The following BCAS1 variants were observed in gnomAD, a reference collection of about 807,000 sequenced individuals.
The protein encoded by BCAS1 is brain enriched myelin associated protein 1.
In BCAS1, 46 loss-of-function variants were observed where a neutral mutation model predicts 65.4. The observed-to-expected ratio is 0.70, with a 90% CI of 0.55 to 0.90. The LOEUF (loss-of-function observed/expected upper bound fraction) is 0.90, where lower values mean the gene tolerates loss of function less well. Among genes scored for constraint, BCAS1 ranks in the 40% least tolerant of loss-of-function variants. The probability of loss-of-function intolerance (pLI) is 0.00; values close to 1 mark genes in which losing one functional copy is unlikely to be tolerated. For synonymous variants in BCAS1, 298 were observed against 293.5 expected, an observed-to-expected ratio of 1.02 and a Z score of -0.16; for missense variants, 793 against 771.2, an observed-to-expected ratio of 1.03 and a Z score of -0.33.
intron 12 of BCAS1, among the ~76,000 whole-genome samples, chr20:53,949,806 A>G (rs1600683570): frequency 6.6e-6 from 1 of 152,150 alleles, no homozygotes; most frequent in Non-Finnish European, 1.5e-5. Flanking sequence ...GGTGTGGCAG[A>G]AGCAGTCCCA....
intron 1 of BCAS1, among the ~76,000 whole-genome samples, chr20:54,060,345 C>T (rs1264962741): frequency 6.6e-6 from 1 of 152,204 alleles, no homozygotes; most frequent in Non-Finnish European, 1.5e-5. Context: ...CGGAGTCTCT[C>T]TCTGTTGCCC....
At chr20:53,953,208 T>TA (rs2089584162) in intron 12 of BCAS1, among the ~76,000 whole-genome samples, 1 of 152,164 alleles carries the variant, frequency 6.6e-6, no homozygotes, top group Admixed American at 6.5e-5. Flanking sequence ...TATGAACAGA[T>TA]AAAAAATCTG....
In BCAS1 at chr20:54,064,976, G is replaced by A. The variant is rs142949954; in HGVS notation, c.-6+5457C>T. ...GCATGTCCTGATACATCGTGGTACC[G>A]TGCGAAGGGGTAAATGTGATGGGAA... On this transcript the variant is annotated intron_variant, in intron 1 of 12. Coordinates refer to ENST00000688948, the MANE Select transcript of BCAS1 (RefSeq NM_001366298.2). Among the ~76,000 whole-genome samples, 5 of 152,268 alleles carry A rather than the reference G, an allele frequency of 3.3e-5. No individual in the cohort carries two copies. The East Asian group carries it at 5.8e-4, about 18-fold the overall frequency.
intron 3 of BCAS1, among the ~76,000 whole-genome samples, chr20:54,054,802 C>T (rs565855715): frequency 9.2e-5 from 14 of 152,306 alleles, no homozygotes; most frequent in Non-Finnish European, 1.5e-4. Flanking sequence ...CTGTCTCAGA[C>T]TGTTGTCCTA....
At chr20:54,054,173 C>T (rs918444502) in intron 3 of BCAS1, among the ~76,000 whole-genome samples, 4 of 152,260 alleles carry the variant, frequency 2.6e-5, no homozygotes, top group Admixed American at 6.5e-5. Flanking sequence ...ATTCAATTAC[C>T]TCCTACTGGG....
intron 4 of BCAS1, among the ~76,000 whole-genome samples, chr20:54,003,664 C>G (rs765591390): frequency 1.3e-5 from 2 of 152,124 alleles, no homozygotes; most frequent in Non-Finnish European, 2.9e-5. Context: ...TACACATATT[C>G]TACAAGGGTT....
At chr20:54,068,472 C>T (rs1326990805) in intron 1 of BCAS1, 2 of 154,262 alleles carry the variant, frequency 1.3e-5, no homozygotes, top group African/African-American at 4.8e-5. Flanking sequence ...GAGCGCCTCC[C>T]TGCATTTTAT....
Position 53,985,438 on chromosome 20 carries a change from G to A in BCAS1, c.1124C>T (p.Ser375Phe). 6.2e-7 allele frequency: 1 copy of A among 1,614,052 alleles called. No individual in the cohort carries two copies. Among genetic ancestry groups the A allele is most frequent in the Non-Finnish European group, 8.5e-7 (1 of 1,179,976 alleles). Residue 375 changes from serine to phenylalanine, a missense_variant, in exon 8 of 13, where the codon TCC becomes TTC. Transcript: ENST00000688948. ...CTTGCCAGCCCCTTGGGTCTCCTGG[G>A]ATGTAAAGTTGGCTTTGTCTGACTT... ...DLKSDKANFT[S>F]QETQGAGKNS...
At chr20:54,052,829 C>A (rs1456523504) in intron 3 of BCAS1, among the ~76,000 whole-genome samples, 1 of 152,196 alleles carries the variant, frequency 6.6e-6, no homozygotes, top group Non-Finnish European at 1.5e-5. Context: ...ATTACCAGAT[C>A]TATGGCATTT....
intron 4 of BCAS1, among the ~76,000 whole-genome samples, chr20:54,026,238 C>T (rs965541502): frequency 6.6e-6 from 1 of 152,152 alleles, no homozygotes; most frequent in Admixed American, 6.5e-5. Context: ...ATATTAGATA[C>T]CTGCCATGTT....
At chr20:53,993,037 C>A (rs1307396279) in intron 6 of BCAS1, among the ~76,000 whole-genome samples, 6 of 152,184 alleles carry the variant, frequency 3.9e-5, no homozygotes, top group African/African-American at 1.4e-4. Context: ...CAAAATATTT[C>A]TTTTTCATCC....
At chr20:53,954,767 T>C (rs1006252865) in intron 11 of BCAS1, among the ~76,000 whole-genome samples, 2 of 152,128 alleles carry the variant, frequency 1.3e-5, no homozygotes, top group African/African-American at 4.8e-5. Flanking sequence ...AAAGCACCAG[T>C]TCAAGCAAGG....
chr20:53,989,295 C>T (rs1303014168), intron 7 of BCAS1, among the ~76,000 whole-genome samples: 2 of 151,996 alleles, frequency 1.3e-5, no homozygotes, highest in East Asian at 3.9e-4. Context: ...TATCCAGAAA[C>T]CCTTCAAAAA....
At chr20:54,015,955 C>T (rs866317731) in intron 4 of BCAS1, among the ~76,000 whole-genome samples, 11 of 152,058 alleles carry the variant, frequency 7.2e-5, no homozygotes, top group Admixed American at 4.6e-4. Flanking sequence ...CGAAATGCAT[C>T]GATTATTCTA....
intron 12 of BCAS1, among the ~76,000 whole-genome samples, chr20:53,948,576 C>A (rs964260956): frequency 2.0e-5 from 3 of 152,200 alleles, no homozygotes; most frequent in Non-Finnish European, 4.4e-5. Context: ...TGGCCTCATA[C>A]ATACACATGC....
At chr20:53,955,762 T>A (rs181041077) in intron 11 of BCAS1, among the ~76,000 whole-genome samples, 1 of 150,160 alleles carries the variant, frequency 6.7e-6, no homozygotes, top group African/African-American at 2.4e-5. Context: ...AAATTCCCAA[T>A]TGGATTCTGA....
intron 4 of BCAS1, among the ~76,000 whole-genome samples, chr20:54,020,045 C>T (rs970123476): frequency 6.6e-6 from 1 of 152,138 alleles, no homozygotes; most frequent in Non-Finnish European, 1.5e-5. Context: ...TTTGGAGAAC[C>T]CTGACTAATA....
chr20:53,994,917 ATATATGTATTCAAAAAACAAGCAGG>A, intron 6 of BCAS1, 70 bp downstream of exon 6: 17 of 974,892 alleles, frequency 1.7e-5, no homozygotes, highest in South Asian at 5.3e-5. Flanking sequence ...ACACACACAC[ATATATGTATTCAAAAAACAAGCAGG>A]CAGACACAAA....
At chr20:54,007,805 T>C (rs1215068355) in intron 4 of BCAS1, among the ~76,000 whole-genome samples, 1 of 152,176 alleles carries the variant, frequency 6.6e-6, no homozygotes, top group Non-Finnish European at 1.5e-5. Flanking sequence ...CTTTCTCCTG[T>C]TCCTCTCACC....
Sources: gnomAD v4.1 joint callset for allele counts (sites outside exome capture counted in the v4.1 genomes callset) on GRCh38, gnomAD v4.1.1 for gene constraint, MANE v1.5 for transcripts, NCBI Gene and HGNC (gene_info 2026-07-23, HGNC 2026-07-21) for gene names.